ANKHD1: variants seen among roughly 807,000 people sequenced by gnomAD.
ANKHD1 encodes ankyrin repeat and KH domain-containing protein 1.
A neutral mutation model predicts 230.5 loss-of-function variants in ANKHD1; 31 were observed. The observed-to-expected ratio is 0.13, with a 90% confidence interval of 0.10 to 0.18. ANKHD1 has a LOEUF of 0.18. ANKHD1 is among the 10% of genes least tolerant of loss of function. The pLI, the probability that ANKHD1 is intolerant of heterozygous loss-of-function variation, is 1.00. For synonymous variants in ANKHD1, 1,074 were observed against 1,117.6 expected (o/e 0.96, Z 0.78); for missense variants, 2,256 against 3,071.3 (o/e 0.73, Z 6.27).
chr5:140,488,813 T>A (rs868847907), intron 14 of ANKHD1, among the ~76,000 whole-genome samples: 10 of 151,996 alleles, frequency 6.6e-5, no homozygotes, highest in African/African-American at 2.2e-4. Flanking sequence ...GGCATGAGAA[T>A]CACTTGAACC....
intron 24 of ANKHD1, among the ~76,000 whole-genome samples, chr5:140,515,598 G>A (rs976020595): frequency 1.6e-4 from 24 of 152,272 alleles, no homozygotes; most frequent in African/African-American, 5.5e-4. Context: ...ATCTGAGAAC[G>A]GGCAGACTGC....
chr5:140,530,818 C>T (rs575487984), intron 29 of ANKHD1, among the ~76,000 whole-genome samples: 2 of 152,236 alleles, frequency 1.3e-5, no homozygotes, highest in South Asian at 4.1e-4. Flanking sequence ...TGGAAAACTG[C>T]CCCATATTCC....
At chr5:140,522,350 TTTTG>T (rs1455105364) in intron 24 of ANKHD1, among the ~76,000 whole-genome samples, 1 of 152,226 alleles carries the variant, frequency 6.6e-6, no homozygotes, top group Non-Finnish European at 1.5e-5. Context: ...ACAGACCACA[TTTTG>T]TTTATCTGTT....
chr5:140,466,029 C>T (rs1581293541), intron 10 of ANKHD1, among the ~76,000 whole-genome samples: 1 of 152,138 alleles, frequency 6.6e-6, no homozygotes, highest in Admixed American at 6.5e-5. Flanking sequence ...TAAATTCTTA[C>T]CTGGATTCTC....
At chr5:140,457,087 A>G (rs1057429808) in intron 7 of ANKHD1, among the ~76,000 whole-genome samples, 4 of 152,266 alleles carry the variant, frequency 2.6e-5, no homozygotes, top group Non-Finnish European at 4.4e-5. Context: ...TATGCAGCCA[A>G]CAGACACATG....
In ANKHD1 at chr5:140,529,254, C is replaced by T. The variant is rs1282201123; in HGVS notation, c.6308C>T (p.Ala2103Val). The T allele has an allele frequency of 1.9e-6, 3 of 1,614,190 alleles. No homozygotes were observed. Among genetic ancestry groups the T allele is most frequent in the Admixed American group, 3.3e-5 (2 of 60,034 alleles). Reference protein sequence around the residue: ...SMPFASNSEPAPLTLTSPRMV... With the variant: ...SMPFASNSEPVPLTLTSPRMV... ...CCTTTTGCATCTAACTCAGAACCTGCTCCATTGACTTTGACATCACCCAGA... is the reference window on the plus strand; with the variant it reads ...CCTTTTGCATCTAACTCAGAACCTGTTCCATTGACTTTGACATCACCCAGA... Residue 2103 changes from alanine (A) to valine (V), a missense_variant, in exon 29 of 34, where the codon GCT (alanine) becomes GTT (valine). Coordinates refer to ENST00000360839, the MANE Select transcript of ANKHD1 (RefSeq NM_017747.3).
At chr5:140,483,799 G>A (rs1459859556) in intron 11 of ANKHD1, among the ~76,000 whole-genome samples, 1 of 152,102 alleles carries the variant, frequency 6.6e-6, no homozygotes, top group East Asian at 1.9e-4. Flanking sequence ...CTCTGAATTG[G>A]ATAAAACTAG....
At position 140,520,928 on chromosome 5, in the gene ANKHD1, AT is replaced by A. The variant is rs1335789808; in HGVS notation, c.4318-3137del. The stretch of plus-strand genomic sequence containing the variant: ...CATGTACCCTAAAACTTAAAGTATA[AT>A]AAAAAAAAAAAAAAAAGACTATCCA... On this transcript the variant is annotated intron_variant, in intron 24 of 33. Coordinates refer to ENST00000360839, the MANE Select transcript of ANKHD1 (RefSeq NM_017747.3). Among the ~76,000 whole-genome samples, 717 of 141,592 alleles carry A rather than the reference AT, an allele frequency of 5.1e-3. 4 individuals carry two copies. The highest frequency in any genetic ancestry group is 0.018 in the African/African-American group (683 of 38,078). 92.9% of individuals were successfully genotyped at this position (141,592 alleles called of 152,430 possible).
intron 2 of ANKHD1, among the ~76,000 whole-genome samples, chr5:140,437,524 G>A (rs914200919): frequency 6.6e-6 from 1 of 152,186 alleles, no homozygotes. Context: ...CCCACATGGT[G>A]AAACCTCGTC....
At chr5:140,417,130 A>C (rs2126862025) in intron 1 of ANKHD1, among the ~76,000 whole-genome samples, 2 of 152,130 alleles carry the variant, frequency 1.3e-5, no homozygotes, top group East Asian at 3.9e-4. Flanking sequence ...ATGTTTTTGA[A>C]ATATAATCCT....
chr5:140,411,248 T>C (rs529098059), intron 1 of ANKHD1, among the ~76,000 whole-genome samples: 2 of 152,294 alleles, frequency 1.3e-5, no homozygotes, highest in South Asian at 4.1e-4. Flanking sequence ...GAAACTTCAT[T>C]TGGGACCCTG....
chr5:140,456,773 A>C (rs540100487), intron 7 of ANKHD1, among the ~76,000 whole-genome samples: 16 of 152,286 alleles, frequency 1.1e-4, no homozygotes, highest in Middle Eastern at 3.4e-3. Flanking sequence ...AACCTAGGCA[A>C]TACCATTCAG....
chr5:140,496,071 A>G (rs1752020391), intron 14 of ANKHD1, among the ~76,000 whole-genome samples: 1 of 152,202 alleles, frequency 6.6e-6, no homozygotes, highest in African/African-American at 2.4e-5. Flanking sequence ...TGCAGAGTTG[A>G]TATTGCTAAA....
At chr5:140,446,343 A>G (rs1393839514) in intron 6 of ANKHD1, among the ~76,000 whole-genome samples, 2 of 152,194 alleles carry the variant, frequency 1.3e-5, no homozygotes, top group African/African-American at 2.4e-5. Context: ...CCTGAAAAAC[A>G]CAGAGTAACA....
chr5:140,504,715 A>T lies in ANKHD1; in HGVS notation c.3005-106A>T, dbSNP rs76322259. ...TGATTCCAAAGCTTGTGATTTTACTATTACTACATATTACTGCTATGGAAA... is the reference window on the plus strand; with the variant it reads ...TGATTCCAAAGCTTGTGATTTTACTTTTACTACATATTACTGCTATGGAAA... On this transcript the variant is annotated intron_variant, in intron 15 of 33. Coordinates refer to ENST00000360839, the MANE Select transcript of ANKHD1 (RefSeq NM_017747.3). 1.6e-5 allele frequency: 22 copies of T among 1,406,796 alleles called. No homozygotes were observed. The African/African-American group carries it at 2.9e-4, about 19-fold the overall frequency. The allele number at this position is 1,406,796 out of a possible 1,614,324, so 87.1% of individuals were successfully genotyped here. A position where few individuals can be genotyped will look rare whatever the true frequency, so the allele number is the denominator to read the frequency against.
At chr5:140,482,402 A>G (rs894309817) in intron 10 of ANKHD1, among the ~76,000 whole-genome samples, 178 bp from the exon 11 acceptor site, 1 of 152,200 alleles carries the variant, frequency 6.6e-6, no homozygotes, top group Non-Finnish European at 1.5e-5. Context: ...AGAAAGTTAC[A>G]TTATCTACTT....
chr5:140,485,836 C>CT lies in ANKHD1; in HGVS notation c.2142+105dup. On this transcript the variant is annotated intron_variant, in intron 13 of 33. Coordinates refer to ENST00000360839, the MANE Select transcript of ANKHD1 (RefSeq NM_017747.3). This position sits in a 1 kb window ranked among gnomAD's most constrained non-coding sequence, Gnocchi z 4.8. ...AGCAAAATGGACTTGTTTTTATTCT[C>CT]TGTTACATATTGAGAAAATCATGAC... is the stretch of plus-strand genomic sequence containing the variant. 2.0e-6 allele frequency: 3 copies of CT among 1,466,812 alleles called. No individual in the cohort carries two copies. The South Asian group carries it at 3.9e-5, about 19-fold the overall frequency. The allele number at this position is 1,466,812 out of a possible 1,614,324, so 90.9% of individuals were successfully genotyped here.
intron 1 of ANKHD1, among the ~76,000 whole-genome samples, chr5:140,403,792 A>AT (rs1027623081): frequency 1.3e-5 from 2 of 152,078 alleles, no homozygotes; most frequent in Admixed American, 6.6e-5. Context: ...GTGACCAGTT[A>AT]TTTTAACCTC....
Position 140,529,570 on chromosome 5 carries a change from A to G in ANKHD1, c.6624A>G (p.Thr2208=), listed in dbSNP as rs931547225. The change falls in exon 29 of 34, where the codon ACA becomes ACG. Residue 2208 remains threonine (T), a synonymous_variant. Coordinates refer to ENST00000360839, the MANE Select transcript of ANKHD1 (RefSeq NM_017747.3). ...KSLPPTFGPA[T]LFNHFSSLFD... ...TGCCACCTACATTTGGCCCAGCCAC[A>G]CTTTTCAATCACTTCAGCAGTCTTT... The G allele has an allele frequency of 5.6e-6, 9 of 1,614,094 alleles. No homozygotes were observed. The highest frequency in any genetic ancestry group is 4.0e-5 in the African/African-American group (3 of 74,938).
Sources: allele counts gnomAD v4.1 joint callset (sites outside exome capture counted in the v4.1 genomes callset), GRCh38; gene constraint gnomAD v4.1.1; non-coding constraint Gnocchi (gnomAD v3.1); transcripts MANE v1.5; gene names NCBI Gene and HGNC (gene_info 2026-07-23, HGNC 2026-07-21).